Variants in AIG1 observed in about 807,000 individuals in gnomAD.
The protein encoded by AIG1 is androgen-induced gene 1 protein.
Under a neutral mutation model 31.4 loss-of-function variants are expected in AIG1, and 23 were observed. The observed-to-expected ratio is 0.73, with a 90% CI of 0.53 to 1.04. AIG1 has a LOEUF of 1.04. AIG1 is among the 50% of genes least tolerant of loss of function. The probability of loss-of-function intolerance (pLI) is 0.00; values close to 1 mark genes in which losing one functional copy is unlikely to be tolerated. For missense variants in AIG1, 274 were observed against 295.0 expected, an observed-to-expected ratio of 0.93 and a Z score of 0.52; for synonymous variants, 100 against 110.5, an observed-to-expected ratio of 0.90 and a Z score of 0.60.
At chr6:143,274,750 T>C (rs4895606) in intron 3 of AIG1, among the ~76,000 whole-genome samples, 19,601 of 152,168 alleles carry the variant, frequency 0.13, 1,603 homozygotes, top group East Asian at 0.39. Flanking sequence ...TAGAGTCAGG[T>C]AGATCTGGAA....
chr6:143,283,666 C>T (rs907842225), intron 3 of AIG1, among the ~76,000 whole-genome samples: 3 of 152,168 alleles, frequency 2.0e-5, no homozygotes, highest in African/African-American at 4.8e-5. Context: ...TTCTAAACTA[C>T]CATATCAAAA....
intron 1 of AIG1, among the ~76,000 whole-genome samples, chr6:143,116,780 G>A (rs1781776242): frequency 6.6e-6 from 1 of 151,414 alleles, no homozygotes; most frequent in Non-Finnish European, 1.5e-5. Flanking sequence ...CAGTCCAGGG[G>A]CGGCAAGTGG....
intron 3 of AIG1, among the ~76,000 whole-genome samples, chr6:143,176,337 A>G (rs1370863293): frequency 6.6e-6 from 1 of 152,162 alleles, no homozygotes; most frequent in Non-Finnish European, 1.5e-5. Context: ...TAGGGAGGAT[A>G]TAAACTTACC....
At chr6:143,111,325 AAAG>A (rs1204846524) in intron 1 of AIG1, among the ~76,000 whole-genome samples, 1 of 152,218 alleles carries the variant, frequency 6.6e-6, no homozygotes, top group African/African-American at 2.4e-5. Flanking sequence ...CAGATTCAGT[AAAG>A]AAGTTTTCTT....
At chr6:143,238,579 C>T (rs934459784) in intron 3 of AIG1, among the ~76,000 whole-genome samples, 5 of 152,070 alleles carry the variant, frequency 3.3e-5, no homozygotes, top group African/African-American at 9.7e-5. Context: ...CATGGGATCT[C>T]TACCAGCTTA....
chr6:143,192,992 C>G (rs1051423749), intron 3 of AIG1, among the ~76,000 whole-genome samples: 1 of 152,200 alleles, frequency 6.6e-6, no homozygotes, highest in Admixed American at 6.5e-5. Context: ...CACCATTCCA[C>G]AGGTGAGGAG....
intron 1 of AIG1, among the ~76,000 whole-genome samples, chr6:143,076,117 C>G (rs1018519418): frequency 6.6e-6 from 1 of 152,136 alleles, no homozygotes; most frequent in Non-Finnish European, 1.5e-5. Context: ...CTTGTATATT[C>G]TTGCTTGTTT....
chr6:143,276,409 G>A (rs1207900543), intron 3 of AIG1, among the ~76,000 whole-genome samples: 1 of 152,034 alleles, frequency 6.6e-6, no homozygotes, highest in East Asian at 1.9e-4. Flanking sequence ...TTTCACCTTG[G>A]GTCACTGTTT....
chr6:143,228,184 T>G (rs943529811), intron 3 of AIG1, among the ~76,000 whole-genome samples: 1 of 152,140 alleles, frequency 6.6e-6, no homozygotes, highest in Non-Finnish European at 1.5e-5. Flanking sequence ...TTGAAAAATC[T>G]CTGCCCTGCC....
At chr6:143,247,935 A>G (rs1418461134) in intron 3 of AIG1, among the ~76,000 whole-genome samples, 1 of 152,146 alleles carries the variant, frequency 6.6e-6, no homozygotes, top group Non-Finnish European at 1.5e-5. Context: ...TCCTTACAAA[A>G]ACATGAGAGC....
chr6:143,146,194 C>G (rs1366467706), intron 2 of AIG1, among the ~76,000 whole-genome samples: 1 of 151,834 alleles, frequency 6.6e-6, no homozygotes, highest in East Asian at 1.9e-4. Flanking sequence ...CCTACTCTCT[C>G]TGGGGAAAAA....
chr6:143,097,270 T>C (rs1044365881), intron 1 of AIG1, among the ~76,000 whole-genome samples: 5 of 152,102 alleles, frequency 3.3e-5, no homozygotes, highest in Admixed American at 6.5e-5. Flanking sequence ...GACATTCTGC[T>C]GTAGCAAAAA....
At chr6:143,083,798 C>T (rs1278282967) in intron 1 of AIG1, among the ~76,000 whole-genome samples, 5 of 152,102 alleles carry the variant, frequency 3.3e-5, no homozygotes, top group South Asian at 2.1e-4. Flanking sequence ...ATTCTTTGCT[C>T]GTCCATATTT....
chr6:143,117,471 G>A (rs1343851048), intron 1 of AIG1, among the ~76,000 whole-genome samples: 2 of 152,264 alleles, frequency 1.3e-5, no homozygotes, highest in East Asian at 3.9e-4. Flanking sequence ...GCATTAGCAG[G>A]GTTTAGAGCT....
At chr6:143,095,563 A>G (rs1779688305) in intron 1 of AIG1, among the ~76,000 whole-genome samples, 1 of 152,210 alleles carries the variant, frequency 6.6e-6, no homozygotes, top group Admixed American at 6.5e-5. Flanking sequence ...ATTATGTATT[A>G]TTTAGACTCT....
intron 3 of AIG1, chr6:143,189,755 A>G (rs1789616865): frequency 9.1e-6 from 9 of 985,020 alleles, no homozygotes; most frequent in African/African-American, 7.0e-5. Context: ...GCCCTCTTAT[A>G]TTAATATGAG....
chr6:143,120,271 G>T (rs1010570874), intron 1 of AIG1, among the ~76,000 whole-genome samples: 2 of 152,174 alleles, frequency 1.3e-5, no homozygotes, highest in Admixed American at 6.5e-5. Flanking sequence ...GGCAGATGTT[G>T]TGGGTATTAC....
chr6:143,174,545 C>T (rs539279138), intron 3 of AIG1, among the ~76,000 whole-genome samples: 1 of 150,874 alleles, frequency 6.6e-6, no homozygotes, highest in African/African-American at 2.4e-5. Flanking sequence ...TGTCCATTTG[C>T]ATGGAATGTC....
At chr6:143,311,545 C>T (rs1775275513) in intron 4 of AIG1, among the ~76,000 whole-genome samples, 1 of 151,610 alleles carries the variant, frequency 6.6e-6, no homozygotes, top group South Asian at 2.1e-4. Flanking sequence ...CATCAATAAG[C>T]TAAAGAAGAA....
Sources: gnomAD v4.1 joint callset for allele counts (sites outside exome capture counted in the v4.1 genomes callset) on GRCh38, gnomAD v4.1.1 for gene constraint, MANE v1.5 for transcripts, NCBI Gene and HGNC (gene_info 2026-07-23, HGNC 2026-07-21) for gene names.